MMS19: variants seen among roughly 807,000 people sequenced by gnomAD.
MMS19 encodes the protein MMS19 cytosolic iron-sulfur assembly component, also known as MMS19 nucleotide excision repair protein homolog.
In MMS19, 77 loss-of-function variants were observed where a neutral mutation model predicts 129.8. The ratio of observed to expected loss-of-function variants is 0.59; its 90% CI spans 0.49 to 0.72. MMS19 has a LOEUF of 0.72. MMS19 is among the 30% of genes least tolerant of loss of function. The probability of loss-of-function intolerance (pLI) is 0.00; values close to 1 mark genes in which losing one functional copy is unlikely to be tolerated. For missense variants in MMS19, 1,168 were observed against 1,266.3 expected (o/e 0.92, Z 1.18); for synonymous variants, 491 against 502.8 (o/e 0.98, Z 0.31).
intron 6 of MMS19, 131 bp downstream of exon 6, chr10:97,477,216 T>C (rs773172663): frequency 1.4e-4 from 210 of 1,531,882 alleles, no homozygotes; most frequent in Non-Finnish European, 1.7e-4. Flanking sequence ...GCAGACCCCC[T>C]CTTTCCCTTT....
chr10:97,496,799 C>T (rs932137101), intron 1 of MMS19, among the ~76,000 whole-genome samples: 1 of 151,940 alleles, frequency 6.6e-6, no homozygotes, highest in Non-Finnish European at 1.5e-5. Flanking sequence ...CAAAATAAAC[C>T]GTCAACAAAC....
intron 19 of MMS19, chr10:97,463,016 T>C (rs2032444944): frequency 7.1e-6 from 2 of 279,788 alleles, no homozygotes; most frequent in East Asian, 8.3e-5. Context: ...AAAAAAATAG[T>C]AATGTTGGTC....
chr10:97,466,183 A>G (rs191373885), intron 16 of MMS19, 24 bp from the exon 17 acceptor site: 2 of 1,542,642 alleles, frequency 1.3e-6, no homozygotes, highest in African/African-American at 1.4e-5. Context: ...GCAGATAAGC[A>G]TTGGCTGAGC....
chr10:97,480,913 G>T, intron 3 of MMS19, 29 bp downstream of exon 3: 1 of 1,500,102 alleles, frequency 6.7e-7, no homozygotes, highest in Non-Finnish European at 9.2e-7. Flanking sequence ...AGCAATCCAG[G>T]AAGACATTCC....
chr10:97,498,421 G>A lies in MMS19; in HGVS notation c.-37C>T. 1 of 1,568,504 alleles carries A rather than the reference G, an allele frequency of 6.4e-7. No individual in the cohort carries two copies. The highest frequency in any genetic ancestry group is 8.6e-7 in the Non-Finnish European group (1 of 1,165,880). ...GAGACCGTGGGAGGGGATATGGGCGGTGGCTCGAGACGGGCTCTCCGCGCA... is the reference window on the plus strand; with the variant it reads ...GAGACCGTGGGAGGGGATATGGGCGATGGCTCGAGACGGGCTCTCCGCGCA... On this transcript the variant is annotated 5_prime_UTR_variant, in exon 1 of 31. Transcript: ENST00000438925.
At position 97,466,059 on chromosome 10, in the gene MMS19, C is replaced by G. The variant is rs770005386; in HGVS notation, c.1606G>C (p.Gly536Arg). 1 of 1,613,760 alleles carries G rather than the reference C, an allele frequency of 6.2e-7. No individual in the cohort carries two copies. Among genetic ancestry groups the G allele is most frequent in the Non-Finnish European group, 8.5e-7 (1 of 1,179,756 alleles). ...GCCACAGAGGATTAGAGACACATAC[C>G]TACACGCAGCTCCTCAGCGAGCTTG... ...VPKLAEELRVGESNLTNGDEP... is the reference protein window; with the variant it reads ...VPKLAEELRVRESNLTNGDEP... Residue 536 changes from glycine (G) to arginine (R), a missense_variant and splice_region_variant, in exon 17 of 31, where the codon GGG (glycine) becomes CGG (arginine). This residue lies in a region of MMS19 where 831 missense variants were observed against 910.8 expected (regional missense o/e 0.91). Coordinates refer to ENST00000438925, the MANE Select transcript of MMS19 (RefSeq NM_022362.5).
chr10:97,463,548 T>C (rs527957948), intron 19 of MMS19, among the ~76,000 whole-genome samples: 5 of 152,236 alleles, frequency 3.3e-5, no homozygotes, highest in African/African-American at 9.6e-5. Flanking sequence ...AGTGGTAGAG[T>C]TGAGGATAAA....
intron 2 of MMS19, among the ~76,000 whole-genome samples, chr10:97,483,071 T>C (rs984736131): frequency 6.6e-6 from 1 of 151,974 alleles, no homozygotes; most frequent in African/African-American, 2.4e-5. Context: ...ATATATATTT[T>C]TTGATGGGGG....
chr10:97,488,859 CA>C (rs2038380906), intron 1 of MMS19, among the ~76,000 whole-genome samples: 1 of 152,202 alleles, frequency 6.6e-6, no homozygotes, highest in Non-Finnish European at 1.5e-5. Flanking sequence ...TAAATGACTG[CA>C]AACAACACAT....
chr10:97,469,028 C>T lies in MMS19; in HGVS notation c.1001G>A (p.Arg334His), dbSNP rs141381958. The T allele has an allele frequency of 1.9e-4, 306 of 1,586,474 alleles. 3 individuals are homozygous for T. In the African/African-American group the frequency reaches 2.6e-3, roughly 13 times the overall value. Residue 334 changes from arginine to histidine, a missense_variant, in exon 12 of 31, where the codon CGC becomes CAC. This residue lies in a region of MMS19 where 831 missense variants were observed against 910.8 expected (regional missense o/e 0.91). Transcript: ENST00000438925. ...ALHSLTACLSRSVLRADAEDL... is the reference protein window; with the variant it reads ...ALHSLTACLSHSVLRADAEDL... ...CTCAGCATCAGCCCTCAGCACAGAG[C>T]GAGACAAACACGCAGTCAGGGAGTG...
intron 3 of MMS19, 61 bp downstream of exon 3, chr10:97,480,881 T>G: frequency 8.2e-7 from 1 of 1,213,090 alleles, no homozygotes; most frequent in Non-Finnish European, 1.2e-6. Flanking sequence ...TTGGCTTGAA[T>G]AGACATGGGA....
chr10:97,489,910 T>A (rs935027879), intron 1 of MMS19, among the ~76,000 whole-genome samples: 2 of 152,240 alleles, frequency 1.3e-5, no homozygotes, highest in Non-Finnish European at 2.9e-5. Flanking sequence ...GGCTTCTCCA[T>A]CACTGGCAAT....
chr10:97,466,657 T>A, intron 15 of MMS19, 72 bp from the exon 16 acceptor site: 21 of 1,585,986 alleles, frequency 1.3e-5, no homozygotes, highest in Non-Finnish European at 1.8e-5. Flanking sequence ...AAGCTCTTAT[T>A]AGAAATCCCA....
upstream of MMS19, chr10:97,498,436 C>T: frequency 6.5e-7 from 1 of 1,550,256 alleles, no homozygotes; most frequent in Non-Finnish European, 8.6e-7. Context: ...TCGAGACGGG[C>T]TCTCCGCGCA....
intron 20 of MMS19, 47 bp from the exon 21 acceptor site, chr10:97,462,166 C>T (rs1338479986): frequency 1.5e-6 from 2 of 1,352,908 alleles, no homozygotes; most frequent in Non-Finnish European, 2.1e-6. Flanking sequence ...GATTCTAAAG[C>T]AGCCCTCTCC....
intron 1 of MMS19, among the ~76,000 whole-genome samples, chr10:97,490,147 T>G (rs1275984568): frequency 6.6e-6 from 1 of 152,126 alleles, no homozygotes; most frequent in Non-Finnish European, 1.5e-5. Context: ...AGTACAATCA[T>G]GGCTCACTGC....
rs1461673172 is a variant in MMS19, at chr10:97,468,961, A to G, written c.1063+5T>C. Reference sequence around the variant, plus strand: ...TCCCCTTCCTGGCTGCCACGGCCCCATTACCCTGTAGAATGTTGCTAAGGA... The same window carrying G: ...TCCCCTTCCTGGCTGCCACGGCCCCGTTACCCTGTAGAATGTTGCTAAGGA... On this transcript the variant is annotated splice_donor_5th_base_variant and intron_variant, in intron 12 of 30. Coordinates refer to ENST00000438925, the MANE Select transcript of MMS19 (RefSeq NM_022362.5). The G allele has an allele frequency of 1.9e-6, 3 of 1,585,218 alleles. No individual in the cohort carries two copies. Among genetic ancestry groups the G allele is most frequent in the Non-Finnish European group, 8.6e-7 (1 of 1,165,408 alleles).
At position 97,467,493 on chromosome 10, in the gene MMS19, A is replaced by C. The variant is rs943800910; in HGVS notation, c.1297+12T>G. The C allele has an allele frequency of 1.3e-5, 21 of 1,609,136 alleles. No individual in the cohort carries two copies. The highest frequency in any genetic ancestry group is 1.6e-5 in the Non-Finnish European group (19 of 1,175,830). ...ACAGTCCCCAGAGCACTGCAATGGA[A>C]GGCAACCTCACCTTTGTCTTCATAG... On this transcript the variant is annotated intron_variant, in intron 14 of 30. Transcript: ENST00000438925.
Position 97,476,847 on chromosome 10 carries a change from C to T in MMS19, c.610G>A (p.Asp204Asn), listed in dbSNP as rs1350859234. The T allele has an allele frequency of 1.9e-6, 3 of 1,613,974 alleles. No homozygotes were observed. The highest frequency in any genetic ancestry group is 2.7e-5 in the African/African-American group (2 of 75,030). ...TACCACGATATACCCAGGCTATAGT[C>T]CCTGGAGATGAGGTCATGGACGATG... ...FRIVHDLISRDYSLGPFVEEL... is the reference protein window; with the variant it reads ...FRIVHDLISRNYSLGPFVEEL... The change falls in exon 7 of 31, where the codon GAC becomes AAC. Residue 204 changes from aspartate (D) to asparagine (N), a missense_variant. Physicochemically the swap from Asp to Asn is conservative, Grantham distance 23. Coordinates refer to ENST00000438925, the MANE Select transcript of MMS19 (RefSeq NM_022362.5).
Sources: allele counts gnomAD v4.1 joint callset (sites outside exome capture counted in the v4.1 genomes callset), GRCh38; gene constraint gnomAD v4.1.1; regional missense constraint gnomAD v4.1.1; transcripts MANE v1.5; gene names NCBI Gene and HGNC (gene_info 2026-07-23, HGNC 2026-07-21).